Variants in CSMD1 observed in about 807,000 individuals in gnomAD.
CSMD1 encodes the protein CUB and sushi domain-containing protein 1.
Under a neutral mutation model 417.5 loss-of-function variants are expected in CSMD1, and 213 were observed. That is an observed-to-expected ratio of 0.51 (90% CI 0.46 to 0.57). The LOEUF (loss-of-function observed/expected upper bound fraction) is 0.57. Ranked by LOEUF, CSMD1 falls within the 20% of genes least tolerant of loss-of-function variation. The pLI is 0.00. For missense variants in CSMD1, 6,923 were observed against 4,529.7 expected, an observed-to-expected ratio of 1.53 and a Z score of -15.17; for synonymous variants, 2,862 against 1,736.8, an observed-to-expected ratio of 1.65 and a Z score of -16.11.
chr8:4,949,691 T>C (rs544614351), intron 1 of CSMD1, among the ~76,000 whole-genome samples: 4 of 152,308 alleles, frequency 2.6e-5, no homozygotes, highest in Non-Finnish European at 4.4e-5. Flanking sequence ...TTAGTTATTA[T>C]GAGAATTTTA....
intron 2 of CSMD1, among the ~76,000 whole-genome samples, chr8:4,421,191 G>T (rs1238059): frequency 0.013 from 1,977 of 152,218 alleles, 48 homozygotes; most frequent in African/African-American, 0.045. Flanking sequence ...TTATGTGTTA[G>T]CGAACGCAAT....
intron 12 of CSMD1, among the ~76,000 whole-genome samples, chr8:3,424,666 G>A (rs984778887): frequency 6.6e-6 from 1 of 152,144 alleles, no homozygotes; most frequent in Non-Finnish European, 1.5e-5. Context: ...GTGTTTCTGT[G>A]ATTACACAAT....
intron 5 of CSMD1, among the ~76,000 whole-genome samples, chr8:3,772,901 G>C (rs1798694930): frequency 6.6e-6 from 1 of 151,946 alleles, no homozygotes; most frequent in African/African-American, 2.4e-5. Flanking sequence ...TCACAGATGA[G>C]GGCTGATAAA....
At chr8:4,408,005 A>G (rs180938680) in intron 3 of CSMD1, among the ~76,000 whole-genome samples, 218 of 152,258 alleles carry the variant, frequency 1.4e-3, no homozygotes, top group African/African-American at 5.0e-3. Flanking sequence ...GCAAGTCCCC[A>G]CACACCAGCT....
intron 52 of CSMD1, among the ~76,000 whole-genome samples, chr8:3,014,559 C>T (rs887498276): frequency 2.6e-5 from 4 of 152,096 alleles, no homozygotes; most frequent in Non-Finnish European, 4.4e-5. Flanking sequence ...TTCTCCTGGG[C>T]AGGAGACACA....
chr8:3,474,395 G>A (rs1241277529), intron 11 of CSMD1, among the ~76,000 whole-genome samples: 1 of 152,018 alleles, frequency 6.6e-6, no homozygotes, highest in Non-Finnish European at 1.5e-5. Context: ...TCCTGACAAT[G>A]TTTTCTTGGC....
chr8:4,137,195 T>A lies in CSMD1; in HGVS notation c.416-105096A>T, dbSNP rs1050560073. Among the ~76,000 whole-genome samples the A allele has an allele frequency of 2.6e-5, 4 of 152,192 alleles. No homozygotes were observed. The East Asian group carries it at 7.7e-4, about 29-fold the overall frequency. ...CTCCTACCTAATAGCATTAGCCTCATCTTGCCTGGAAACAGTTGCCTTTAA... is the reference window on the plus strand; with the variant it reads ...CTCCTACCTAATAGCATTAGCCTCAACTTGCCTGGAAACAGTTGCCTTTAA... On this transcript the variant is annotated intron_variant, in intron 3 of 69. Coordinates refer to ENST00000635120, the MANE Select transcript of CSMD1 (RefSeq NM_033225.6).
intron 10 of CSMD1, among the ~76,000 whole-genome samples, chr8:3,502,564 A>C (rs1238127147): frequency 6.6e-6 from 1 of 152,136 alleles, no homozygotes; most frequent in Non-Finnish European, 1.5e-5. Context: ...ATGAGAAAAC[A>C]TGGGGGAAAA....
chr8:3,698,609 C>T (rs185002993), intron 7 of CSMD1, among the ~76,000 whole-genome samples: 37 of 152,308 alleles, frequency 2.4e-4, no homozygotes, highest in Admixed American at 1.6e-3. Flanking sequence ...GTTCCTAATA[C>T]AGCACTCGCG....
intron 5 of CSMD1, among the ~76,000 whole-genome samples, chr8:3,988,965 T>A (rs1024251680): frequency 2.6e-5 from 4 of 152,190 alleles, no homozygotes; most frequent in Non-Finnish European, 4.4e-5. Context: ...TGAAGGTTAT[T>A]TGCTGAACAT....
At chr8:3,882,863 C>A (rs1380590206) in intron 5 of CSMD1, among the ~76,000 whole-genome samples, 1 of 152,142 alleles carries the variant, frequency 6.6e-6, no homozygotes, top group East Asian at 1.9e-4. Flanking sequence ...AGAATGGCTA[C>A]CCCTGAGTTG....
chr8:3,798,851 C>T (rs1385856774), intron 5 of CSMD1, among the ~76,000 whole-genome samples: 1 of 151,972 alleles, frequency 6.6e-6, no homozygotes, highest in African/African-American at 2.4e-5. Context: ...TTTTCCTACT[C>T]TTTCCTATTT....
chr8:4,324,924 C>T (rs1331687886), intron 3 of CSMD1, among the ~76,000 whole-genome samples: 1 of 152,100 alleles, frequency 6.6e-6, no homozygotes, highest in Non-Finnish European at 1.5e-5. Context: ...AGGTATGGGG[C>T]CTCTTCACGG....
At chr8:3,768,684 C>G (rs1331252049) in intron 5 of CSMD1, among the ~76,000 whole-genome samples, 1 of 152,198 alleles carries the variant, frequency 6.6e-6, no homozygotes, top group Non-Finnish European at 1.5e-5. Context: ...GTTATTGCTC[C>G]TTTCCAGCCA....
At chr8:4,111,648 C>A (rs1208912924) in intron 3 of CSMD1, among the ~76,000 whole-genome samples, 6 of 152,162 alleles carry the variant, frequency 3.9e-5, no homozygotes, top group Admixed American at 6.5e-5. Flanking sequence ...AAGCCATTAT[C>A]TTCAGCAAAT....
intron 5 of CSMD1, among the ~76,000 whole-genome samples, chr8:3,756,307 C>T (rs181959722): frequency 2.7e-5 from 4 of 150,056 alleles, no homozygotes; most frequent in South Asian, 2.1e-4. Context: ...GAGCTGAGAT[C>T]GCGCCACTGC....
rs370039183 is a variant in CSMD1 at position 2,942,651 on chromosome 8, T to C, written c.10403-47A>G. ...AAATTTGTTGTTACTGTACTCTGCT[T>C]AAACAAATACATATGATAAATTTTG... On this transcript the variant is annotated intron_variant, in intron 68 of 69. Coordinates refer to ENST00000635120, the MANE Select transcript of CSMD1 (RefSeq NM_033225.6). The C allele has an allele frequency of 2.8e-6, 4 of 1,409,072 alleles. No homozygotes were observed. In the African/African-American group the frequency reaches 5.8e-5, roughly 20 times the overall value. The allele number at this position is 1,409,072 out of a possible 1,614,324, so 87.3% of individuals were successfully genotyped here.
At chr8:3,820,642 C>A (rs1801681452) in intron 5 of CSMD1, among the ~76,000 whole-genome samples, 1 of 152,196 alleles carries the variant, frequency 6.6e-6, no homozygotes, top group Non-Finnish European at 1.5e-5. Flanking sequence ...GTGGCGTAAT[C>A]TCGGCTCAGT....
At chr8:3,957,803 C>A (rs1812064578) in intron 5 of CSMD1, among the ~76,000 whole-genome samples, 1 of 152,078 alleles carries the variant, frequency 6.6e-6, no homozygotes, top group South Asian at 2.1e-4. Context: ...TTGTTAGTTT[C>A]ATAAAGCTCA....
Sources: allele counts gnomAD v4.1 joint callset (sites outside exome capture counted in the v4.1 genomes callset), GRCh38; gene constraint gnomAD v4.1.1; transcripts MANE v1.5; gene names NCBI Gene and HGNC (gene_info 2026-07-23, HGNC 2026-07-21).